Variants in TNR observed in about 807,000 individuals in gnomAD.
TNR encodes tenascin-R.
In TNR, 45 loss-of-function variants were observed where a neutral mutation model predicts 150.4. The ratio of observed to expected loss-of-function variants is 0.30; its 90% confidence interval spans 0.24 to 0.38. The LOEUF is 0.38. Among genes scored for constraint, TNR ranks in the 10% least tolerant of loss-of-function variants. TNR has a pLI of 1.00. For missense variants in TNR, 1,544 were observed against 1,759.1 expected (o/e 0.88, Z 2.19); for synonymous variants, 687 against 678.4 (o/e 1.01, Z -0.20).
chr1:175,378,115 G>A (rs74126991), intron 9 of TNR, among the ~76,000 whole-genome samples: 3,937 of 152,252 alleles, frequency 0.026, 160 homozygotes, highest in African/African-American at 0.089. Flanking sequence ...CAGTCTTCCT[G>A]CCTCTGACCT....
At chr1:175,370,399 G>A (rs868737801) in intron 9 of TNR, among the ~76,000 whole-genome samples, 35 of 93,800 alleles carry the variant, frequency 3.7e-4, no homozygotes, top group African/African-American at 1.2e-3. Context: ...TACAAAAACC[G>A]CCCCAGGCAA....
In TNR at chr1:175,317,976, A is replaced by C. The variant is rs943944748; in HGVS notation, c.*5381T>G. On this transcript the variant is annotated 3_prime_UTR_variant, in exon 23 of 23. Coordinates refer to ENST00000367674, the MANE Select transcript of TNR (RefSeq NM_003285.3). ...CAATGAAGTGCTGCAGGTGCAATGA[A>C]GTCATGTTTCAGGCAAAGATTGACC... 3 of 152,250 alleles carry C rather than the reference A, an allele frequency of 2.0e-5. No homozygotes were observed. Among genetic ancestry groups the C allele is most frequent in the African/African-American group, 7.2e-5 (3 of 41,462 alleles). 9.4% of individuals were successfully genotyped at this position (152,250 alleles called of 1,614,324 possible).
At chr1:175,719,528 T>A (rs1383122897) in intron 1 of TNR, among the ~76,000 whole-genome samples, 1 of 152,214 alleles carries the variant, frequency 6.6e-6, no homozygotes, top group Non-Finnish European at 1.5e-5. Context: ...GTAACCAGTA[T>A]GAGGATGCAG....
chr1:175,361,005 A>G (rs1319070175), intron 14 of TNR, among the ~76,000 whole-genome samples: 1 of 152,240 alleles, frequency 6.6e-6, no homozygotes. Flanking sequence ...TGGGCATACC[A>G]TTTGGGTTGG....
intron 1 of TNR, among the ~76,000 whole-genome samples, chr1:175,664,006 G>A (rs1571728816): frequency 6.6e-6 from 1 of 152,308 alleles, no homozygotes; most frequent in East Asian, 1.9e-4. Flanking sequence ...GGAAGGCAGT[G>A]GGCTTATGTG....
At position 175,321,270 on chromosome 1, in the gene TNR, T is replaced by C. The variant is rs1218415105; in HGVS notation, c.*2087A>G. On this transcript the variant is annotated 3_prime_UTR_variant, in exon 23 of 23. Transcript: ENST00000367674. ...GCCTGTCACATCCACACTGCCGCAG[T>C]GAACAAAGCCTAGAAGCCTGCGGCA... 2.6e-5 allele frequency: 4 copies of C among 152,298 alleles called. No homozygotes were observed. The highest frequency in any genetic ancestry group is 5.9e-5 in the Non-Finnish European group (4 of 68,034). 9.4% of individuals were successfully genotyped at this position (152,298 alleles called of 1,614,324 possible).
intron 3 of TNR, among the ~76,000 whole-genome samples, chr1:175,405,551 TG>T (rs1333208796): frequency 6.6e-6 from 1 of 152,044 alleles, no homozygotes. Flanking sequence ...CACTAAGTTG[TG>T]TGAGTGTGTT....
intron 1 of TNR, among the ~76,000 whole-genome samples, chr1:175,564,028 G>A (rs1182888236): frequency 6.6e-6 from 1 of 152,214 alleles, no homozygotes; most frequent in Non-Finnish European, 1.5e-5. Flanking sequence ...GTCACAGTCA[G>A]ACTTTCTAGA....
intron 2 of TNR, among the ~76,000 whole-genome samples, chr1:175,476,875 A>C (rs903797026): frequency 6.6e-6 from 1 of 152,216 alleles, no homozygotes; most frequent in African/African-American, 2.4e-5. Flanking sequence ...ATTGGTCTTT[A>C]GAGACCCGTA....
Position 175,386,210 on chromosome 1 carries a change from G to A in TNR, c.1599C>T (p.Phe533=). 1 of 1,611,822 alleles carries A rather than the reference G, an allele frequency of 6.2e-7. No homozygotes were observed. Among genetic ancestry groups the A allele is most frequent in the Non-Finnish European group, 8.5e-7 (1 of 1,178,318 alleles). ...CCACCAGGCCATATTTCAAAAGAAT[G>A]AAATCGACTTTGGCTCGAGGGGGAA... ...EWIPPRAKVD[F]ILLKYGLVGG... Residue 533 remains phenylalanine, a synonymous_variant, in exon 8 of 23, where the codon TTC becomes TTT. Transcript: ENST00000367674.
At chr1:175,397,630 C>T (rs981031317) in intron 4 of TNR, among the ~76,000 whole-genome samples, 1 of 152,186 alleles carries the variant, frequency 6.6e-6, no homozygotes, top group Non-Finnish European at 1.5e-5. Context: ...GTAGAATTTT[C>T]CCTTTTAAAG....
intron 7 of TNR, among the ~76,000 whole-genome samples, chr1:175,387,789 C>G (rs938004172): frequency 6.6e-6 from 1 of 152,238 alleles, no homozygotes; most frequent in East Asian, 1.9e-4. Flanking sequence ...GTTTCTCCCT[C>G]AGGGCCGTCT....
intron 1 of TNR, among the ~76,000 whole-genome samples, chr1:175,559,554 A>G (rs1159904970): frequency 6.6e-6 from 1 of 152,168 alleles, no homozygotes; most frequent in Non-Finnish European, 1.5e-5. Flanking sequence ...TTTCTTTATT[A>G]CTTTCCTTCG....
At chr1:175,354,794 T>C (rs1047965275) in intron 17 of TNR, among the ~76,000 whole-genome samples, 2 of 152,214 alleles carry the variant, frequency 1.3e-5, no homozygotes, top group Non-Finnish European at 2.9e-5. Flanking sequence ...CAGATTGCAC[T>C]GTACTTGCTT....
intron 1 of TNR, among the ~76,000 whole-genome samples, chr1:175,628,683 A>G (rs532723509): frequency 6.6e-6 from 1 of 152,170 alleles, no homozygotes; most frequent in Admixed American, 6.5e-5. Context: ...GGGACAGACA[A>G]AGGGAAGAGG....
intron 1 of TNR, among the ~76,000 whole-genome samples, chr1:175,720,702 C>A (rs1012231518): frequency 6.6e-6 from 1 of 152,206 alleles, no homozygotes; most frequent in Non-Finnish European, 1.5e-5. Context: ...CTTCCAGAGG[C>A]AACAGAGTTT....
At chr1:175,547,575 A>G (rs549456409) in intron 1 of TNR, among the ~76,000 whole-genome samples, 143 of 42,788 alleles carry the variant, frequency 3.3e-3, no homozygotes, top group African/African-American at 0.011. Context: ...GAAAGAAAGA[A>G]AGAAAGAAAG....
At chr1:175,453,574 T>G (rs1656423512) in intron 2 of TNR, among the ~76,000 whole-genome samples, 1 of 152,134 alleles carries the variant, frequency 6.6e-6, no homozygotes, top group African/African-American at 2.4e-5. Context: ...TATTATTATT[T>G]TTCAGAGACA....
At chr1:175,653,218 T>C (rs1665055968) in intron 1 of TNR, among the ~76,000 whole-genome samples, 1 of 152,218 alleles carries the variant, frequency 6.6e-6, no homozygotes, top group African/African-American at 2.4e-5. Context: ...CATAGCTTTG[T>C]TTGTGGCAGC....
Sources: allele counts gnomAD v4.1 joint callset (sites outside exome capture counted in the v4.1 genomes callset), GRCh38; gene constraint gnomAD v4.1.1; transcripts MANE v1.5; gene names NCBI Gene and HGNC (gene_info 2026-07-23, HGNC 2026-07-21).